The following BCAR3 variants were observed in gnomAD, a reference collection of about 807,000 sequenced individuals.
BCAR3 encodes BCAR3 adaptor protein, NSP family member.
A neutral mutation model predicts 80.1 loss-of-function variants in BCAR3; 37 were observed. That is an observed-to-expected ratio of 0.46 (90% CI 0.36 to 0.61). The LOEUF (loss-of-function observed/expected upper bound fraction) is 0.61, where lower values mean the gene tolerates loss of function less well. Ranked by LOEUF, BCAR3 falls within the 20% of genes least tolerant of loss-of-function variation. The pLI is 0.00. For synonymous variants in BCAR3, 389 were observed against 418.9 expected, an observed-to-expected ratio of 0.93 and a Z score of 0.87; for missense variants, 978 against 1,068.2, an observed-to-expected ratio of 0.92 and a Z score of 1.18.
chr1:93,759,399 C>A (rs1178749961), intron 2 of BCAR3, among the ~76,000 whole-genome samples: 1 of 152,136 alleles, frequency 6.6e-6, no homozygotes, highest in Non-Finnish European at 1.5e-5. Context: ...TCAGGAGGGG[C>A]AGGAGTAGTT....
intron 2 of BCAR3, among the ~76,000 whole-genome samples, chr1:93,739,387 G>C (rs757903506): frequency 1.1e-4 from 16 of 151,984 alleles, no homozygotes; most frequent in Non-Finnish European, 2.9e-5. Context: ...CCAAATTTAA[G>C]GACCTCTATA....
intron 1 of BCAR3, among the ~76,000 whole-genome samples, chr1:93,678,228 G>A (rs1415902669): frequency 6.6e-6 from 1 of 152,188 alleles, no homozygotes; most frequent in Non-Finnish European, 1.5e-5. Context: ...CACTGGATTA[G>A]TGAGTCTTTT....
chr1:93,720,887 C>T (rs967535193), intron 2 of BCAR3, among the ~76,000 whole-genome samples: 9 of 151,438 alleles, frequency 5.9e-5, no homozygotes, highest in African/African-American at 2.0e-4. Context: ...CCAGGCCCTG[C>T]GCTCTCATGG....
In BCAR3 at chr1:93,643,682, T is replaced by C. The variant is rs138315978; in HGVS notation, c.318-1339A>G. 3.3e-3 allele frequency among the ~76,000 whole-genome samples: 488 copies of C among 148,438 alleles called. 7 individuals are homozygous for C. Among genetic ancestry groups the C allele is most frequent in the African/African-American group, 0.012 (479 of 39,952 alleles). On this transcript the variant is annotated intron_variant, in intron 2 of 11. Coordinates refer to ENST00000260502, the MANE Select transcript of BCAR3 (RefSeq NM_003567.4). ...AGGTCAAAGGATAAAAAGCAGCAGA[T>C]ACGTAGGATGAACAAGCATAGAGCT...
In BCAR3 at chr1:93,582,798, T is replaced by C. The variant is rs762278739; in HGVS notation, c.1189A>G (p.Ser397Gly). Residue 397 changes from serine to glycine, a missense_variant, in exon 7 of 12, where the codon AGT becomes GGT. Ser to Gly is a moderately conservative substitution (Grantham distance 56). Transcript: ENST00000260502. ...RAGEALRGSD[S>G]QLCPKPPPKP... ...GGCGGGGGCTTAGGGCACAGTTGAC[T>C]GTCTGATCCCCTCAGCGCCTCCCCA... 4.3e-6 allele frequency: 7 copies of C among 1,614,044 alleles called. No homozygotes were observed. In the South Asian group the frequency reaches 6.6e-5, roughly 15 times the overall value.
intron 3 of BCAR3, among the ~76,000 whole-genome samples, chr1:93,606,197 T>G (rs1674767113): frequency 6.6e-6 from 1 of 152,144 alleles, no homozygotes; most frequent in African/African-American, 2.4e-5. Context: ...CATATCTCAT[T>G]TAACAAGCAT....
chr1:93,615,796 G>T (rs1173316286), intron 3 of BCAR3, among the ~76,000 whole-genome samples: 1 of 152,154 alleles, frequency 6.6e-6, no homozygotes, highest in Non-Finnish European at 1.5e-5. Flanking sequence ...CAGGCCATTA[G>T]CCACCACAGA....
intron 2 of BCAR3, among the ~76,000 whole-genome samples, chr1:93,764,195 C>T (rs1011720928): frequency 6.6e-6 from 1 of 152,006 alleles, no homozygotes; most frequent in African/African-American, 2.4e-5. Flanking sequence ...GAACACCCCA[C>T]GCTGCTGCCT....
intron 2 of BCAR3, among the ~76,000 whole-genome samples, chr1:93,833,923 AGT>A (rs1198204319): frequency 6.6e-6 from 1 of 152,222 alleles, no homozygotes; most frequent in Non-Finnish European, 1.5e-5. Flanking sequence ...TGATTGGGGA[AGT>A]GATAAATGTC....
rs1194402535 is a variant in BCAR3, at chr1:93,589,097, G to A, written c.809C>T (p.Pro270Leu). ...GAGGCTGCCCTCCCGGGCCTGGCCT[G>A]GGGAGGTGCCATAATGCTCCTCCAG... is the stretch of plus-strand genomic sequence containing the variant. The part of the protein sequence containing the change: ...RCLEEHYGTS[P>L]GQAREGSLTK... Residue 270 changes from proline (P) to leucine (L), a missense_variant, in exon 5 of 12, where the codon CCA becomes CTA. By Grantham distance (98) the Pro-to-Leu change is moderately conservative. Coordinates refer to ENST00000260502, the MANE Select transcript of BCAR3 (RefSeq NM_003567.4). 2 of 1,612,726 alleles carry A rather than the reference G, an allele frequency of 1.2e-6. No individual in the cohort carries two copies. Among genetic ancestry groups the A allele is most frequent in the Non-Finnish European group, 1.7e-6 (2 of 1,179,474 alleles).
At chr1:93,789,689 C>T (rs533059529) in intron 2 of BCAR3, among the ~76,000 whole-genome samples, 1 of 152,290 alleles carries the variant, frequency 6.6e-6, no homozygotes, top group African/African-American at 2.4e-5. Context: ...CTATTGTTCA[C>T]CCCTACATGA....
At chr1:93,690,761 A>T (rs895463173) in intron 3 of BCAR3, among the ~76,000 whole-genome samples, 4 of 152,244 alleles carry the variant, frequency 2.6e-5, no homozygotes, top group Admixed American at 6.5e-5. Context: ...AAATATGTTT[A>T]GTGCCAGGCA....
Position 93,824,623 on chromosome 1 carries a change from C to T in BCAR3, c.-63+20944G>A, listed in dbSNP as rs1307229631. On this transcript the variant is annotated intron_variant, in intron 2 of 13. Coordinates refer to the BCAR3 transcript ENST00000370244. ...CACCTCTCTCCCTTTGTTCTCATGC[C>T]TCCTCTTGGCAAAGACCCTCCTCCT... is the stretch of plus-strand genomic sequence containing the variant. 1.1e-4 allele frequency among the ~76,000 whole-genome samples: 14 copies of T among 132,064 alleles called. 2 individuals are homozygous for T. Among genetic ancestry groups the T allele is most frequent in the Non-Finnish European group, 2.2e-4 (13 of 58,676 alleles). 86.6% of individuals were successfully genotyped at this position (132,064 alleles called of 152,430 possible). A position where few individuals can be genotyped will look rare whatever the true frequency, so the allele number is the denominator to read the frequency against.
chr1:93,698,932 C>A (rs1557658705), intron 3 of BCAR3, among the ~76,000 whole-genome samples: 1 of 152,218 alleles, frequency 6.6e-6, no homozygotes, highest in Non-Finnish European at 1.5e-5. Flanking sequence ...CAGCACACAA[C>A]ACAAGGGAAT....
At chr1:93,752,259 G>A (rs1443522363) in intron 2 of BCAR3, among the ~76,000 whole-genome samples, 1 of 152,194 alleles carries the variant, frequency 6.6e-6, no homozygotes, top group Admixed American at 6.5e-5. Context: ...TGTCATGACT[G>A]TGATGCTCCT....
chr1:93,804,253 C>T (rs1653588396), intron 2 of BCAR3, among the ~76,000 whole-genome samples: 1 of 152,182 alleles, frequency 6.6e-6, no homozygotes, highest in Admixed American at 6.5e-5. Flanking sequence ...ACCCATATGC[C>T]TAACCTACAG....
rs1446152996 is a variant in BCAR3 at position 93,677,811 on chromosome 1, T to TAAGAGGA, written c.-11-2871_-11-2870insTCCTCTT. On this transcript the variant is annotated intron_variant, in intron 1 of 11. Coordinates refer to ENST00000260502, the MANE Select transcript of BCAR3 (RefSeq NM_003567.4). Reference sequence around the variant, plus strand: ...TTTGGTCTAAGAGGAGGTTAGATACTGGTATGCACAATTAGAAGTGAGGGC... The same window carrying TAAGAGGA: ...TTTGGTCTAAGAGGAGGTTAGATACTAAGAGGAGGTATGCACAATTAGAAGTGAGGGC... Among the ~76,000 whole-genome samples the TAAGAGGA allele has an allele frequency of 2.6e-5, 4 of 152,158 alleles. No individual in the cohort carries two copies. The East Asian group carries it at 7.7e-4, about 29-fold the overall frequency.
At chr1:93,653,127 G>T (rs1288505280) in intron 2 of BCAR3, among the ~76,000 whole-genome samples, 1 of 152,208 alleles carries the variant, frequency 6.6e-6, no homozygotes, top group East Asian at 1.9e-4. Context: ...GATAGGGAAG[G>T]AAGGTTACTT....
intron 2 of BCAR3, among the ~76,000 whole-genome samples, chr1:93,738,290 T>C (rs1432575416): frequency 1.3e-4 from 20 of 152,192 alleles, no homozygotes; most frequent in Admixed American, 1.3e-3. Context: ...CATCAAGAAA[T>C]GTGGACATTC....
Sources: gnomAD v4.1 joint callset for allele counts (sites outside exome capture counted in the v4.1 genomes callset) on GRCh38, gnomAD v4.1.1 for gene constraint, MANE v1.5 for transcripts, NCBI Gene and HGNC (gene_info 2026-07-23, HGNC 2026-07-21) for gene names.